The following ZFHX2 variants were observed in gnomAD, a reference collection of about 807,000 sequenced individuals.
The protein encoded by ZFHX2 is zinc finger homeobox 2, also known as zinc finger homeobox protein 2.
Under a neutral mutation model 164.8 loss-of-function variants are expected in ZFHX2, and 75 were observed. That is an observed-to-expected ratio of 0.46 (90% CI 0.38 to 0.55). The LOEUF (loss-of-function observed/expected upper bound fraction) is 0.55. Among genes scored for constraint, ZFHX2 ranks in the 20% least tolerant of loss-of-function variants. ZFHX2 has a pLI of 0.00. For missense variants in ZFHX2, 2,933 were observed against 3,308.0 expected, an observed-to-expected ratio of 0.89 and a Z score of 2.78; for synonymous variants, 1,217 against 1,351.4, an observed-to-expected ratio of 0.90 and a Z score of 2.18.
chr14:23,536,723 A>T (rs1384481088), intron 1 of ZFHX2, among the ~76,000 whole-genome samples: 3 of 152,228 alleles, frequency 2.0e-5, no homozygotes, highest in Non-Finnish European at 2.9e-5. Flanking sequence ...CAAGATAGTG[A>T]AACTAGAAAT....
At position 23,533,613 on chromosome 14, in the gene ZFHX2, G is replaced by A; in HGVS notation, c.1713C>T (p.Cys571=). Residue 571 remains cysteine (C), a synonymous_variant, in exon 2 of 10, where the codon TGC becomes TGT. Transcript: ENST00000419474. This position sits in a 1 kb window ranked among gnomAD's most constrained non-coding sequence, Gnocchi z 4.8. Reference sequence around the variant, plus strand: ...TGTTTGTCTCGTAGCTGCACACCTTGCACTGCCAGGATGATTTGGTCTTAG... The same window carrying A: ...TGTTTGTCTCGTAGCTGCACACCTTACACTGCCAGGATGATTTGGTCTTAG... The part of the protein sequence containing the change: ...KEPKTKSSWQ[C]KVCSYETNIS... 2.0e-6 allele frequency: 3 copies of A among 1,536,850 alleles called. No individual in the cohort carries two copies. The highest frequency in any genetic ancestry group is 2.0e-5 in the Admixed American group (1 of 51,006).
intron 1 of ZFHX2, among the ~76,000 whole-genome samples, chr14:23,539,821 G>A (rs556584945): frequency 6.6e-6 from 1 of 152,258 alleles, no homozygotes; most frequent in South Asian, 2.1e-4. Flanking sequence ...CCAAGGAGTT[G>A]GCAGGGCTAA....
rs1595127272 is a variant in ZFHX2, at chr14:23,521,583, C to T, written c.*379G>A. On this transcript the variant is annotated 3_prime_UTR_variant, in exon 10 of 10. Transcript: ENST00000419474. ...GTGTGTGTGTGCATGTATGTGTATG[C>T]ATTTATGGGGATGGGGAGCTGGGAA... 2 of 204,378 alleles carry T rather than the reference C, an allele frequency of 9.8e-6. No individual in the cohort carries two copies. Among genetic ancestry groups the T allele is most frequent in the South Asian group, 2.2e-4 (2 of 9,224 alleles). 12.7% of individuals were successfully genotyped at this position (204,378 alleles called of 1,614,324 possible).
At position 23,522,800 on chromosome 14, in the gene ZFHX2, G is replaced by T. The variant is rs1048144120; in HGVS notation, c.6881C>A (p.Thr2294Asn). ...DQTNTSTAGTTDPVPGPPTEP... is the reference protein window; with the variant it reads ...DQTNTSTAGTNDPVPGPPTEP... ...AGTAGGAGGGCCTGGGACAGGGTCA[G>T]TGGTGCCTGCTGTGGAGGTGTTGGT... Residue 2294 changes from threonine (T) to asparagine (N), a missense_variant, in exon 10 of 10, where the codon ACT (threonine) becomes AAT (asparagine). Transcript: ENST00000419474. 2 of 1,536,326 alleles carry T rather than the reference G, an allele frequency of 1.3e-6. No homozygotes were observed. Among genetic ancestry groups the T allele is most frequent in the Non-Finnish European group, 1.7e-6 (2 of 1,146,846 alleles).
chr14:23,545,376 G>A lies in ZFHX2; in HGVS notation c.-50+5967C>T, dbSNP rs548719863. ...CAGCTGTCTTCATTTCCCTGCGGAG[G>A]GGTCAGGCTTCCTGTTTGCTCTCCA... On this transcript the variant is annotated intron_variant, in intron 1 of 9. Transcript: ENST00000419474. Among the ~76,000 whole-genome samples, 5 of 152,268 alleles carry A rather than the reference G, an allele frequency of 3.3e-5. No homozygotes were observed. The South Asian group carries it at 1.0e-3, about 32-fold the overall frequency.
chr14:23,522,209 G>C lies in ZFHX2; in HGVS notation c.7472C>G (p.Pro2491Arg), dbSNP rs1346062163. The C allele has an allele frequency of 6.8e-7, 1 of 1,480,850 alleles. No homozygotes were observed. Among genetic ancestry groups the C allele is most frequent in the Admixed American group, 2.2e-5 (1 of 45,226 alleles). The allele number at this position is 1,480,850 out of a possible 1,614,324, so 91.7% of individuals were successfully genotyped here. ...TGCCAGGCAGTGGTAGGTGCAGATGGGCACCCGCAATGGGGGTGGCATGGA... is the reference window on the plus strand; with the variant it reads ...TGCCAGGCAGTGGTAGGTGCAGATGCGCACCCGCAATGGGGGTGGCATGGA... ...GGSMPPPLRV[P>R]ICTYHCLACE... Residue 2491 changes from proline (P) to arginine (R), a missense_variant, in exon 10 of 10, where the codon CCC becomes CGC. Pro to Arg is a moderately radical substitution (Grantham distance 103, BLOSUM62 -2). Transcript: ENST00000419474.
chr14:23,532,718 G>A lies in ZFHX2; in HGVS notation c.2408C>T (p.Ser803Phe), dbSNP rs950158430. Residue 803 changes from serine (S) to phenylalanine (F), a missense_variant, in exon 3 of 10, where the codon TCC (serine) becomes TTC (phenylalanine). Physicochemically the swap from Ser to Phe is radical, Grantham distance 155. Coordinates refer to ENST00000419474, the MANE Select transcript of ZFHX2 (RefSeq NM_033400.3). Reference protein sequence around the residue: ...REGGGAMGTPSPASLGDGAPY... With the variant: ...REGGGAMGTPFPASLGDGAPY... ...AGCCCCATCTCCCAGGGATGCTGGGGAAGGGGTGCCCATGGCTCCACCCCC... is the reference window on the plus strand; with the variant it reads ...AGCCCCATCTCCCAGGGATGCTGGGAAAGGGGTGCCCATGGCTCCACCCCC... 8 of 1,534,994 alleles carry A rather than the reference G, an allele frequency of 5.2e-6. No homozygotes were observed. The highest frequency in any genetic ancestry group is 7.0e-6 in the Non-Finnish European group (8 of 1,146,312).
chr14:23,523,854 G>T lies in ZFHX2; in HGVS notation c.6088C>A (p.Leu2030Met). The change falls in exon 9 of 10, where the codon CTG (leucine) becomes ATG (methionine). Residue 2030 changes from leucine (L) to methionine (M), a missense_variant. Leu to Met is a conservative substitution (Grantham distance 15). Coordinates refer to ENST00000419474, the MANE Select transcript of ZFHX2 (RefSeq NM_033400.3). The surrounding 1 kb of genome is among the most constrained non-coding windows in gnomAD (Gnocchi z 4.1). ...AGGCTGGAAGCAGATGAATCACTCAGATCTCCTGCAGAGAGACTGCAAGCC... is the reference window on the plus strand; with the variant it reads ...AGGCTGGAAGCAGATGAATCACTCATATCTCCTGCAGAGAGACTGCAAGCC... ...SEACSLSAGD[L>M]SDSSASSLAE... is the part of the protein sequence containing the mutation. 1 of 1,536,196 alleles carries T rather than the reference G, an allele frequency of 6.5e-7. No homozygotes were observed. The highest frequency in any genetic ancestry group is 8.7e-7 in the Non-Finnish European group (1 of 1,146,914).
At chr14:23,548,943 CTT>C (rs1305913685) in intron 1 of ZFHX2, among the ~76,000 whole-genome samples, 1 of 152,204 alleles carries the variant, frequency 6.6e-6, no homozygotes, top group African/African-American at 2.4e-5. Flanking sequence ...ATCCTCTCCT[CTT>C]TTCCTCCTAC....
Position 23,524,276 on chromosome 14 carries a change from C to G in ZFHX2, c.5666G>C (p.Cys1889Ser). 1 of 1,536,332 alleles carries G rather than the reference C, an allele frequency of 6.5e-7. No homozygotes were observed. The highest frequency in any genetic ancestry group is 8.7e-7 in the Non-Finnish European group (1 of 1,146,956). ...TTTGAGCCCCACCTCCTCGGAGATG[C>G]AGTCGAGCATCTTGCGTGTTGGGTT... ...DSNPTRKMLDCISEEVGLKKR... is the reference protein window; with the variant it reads ...DSNPTRKMLDSISEEVGLKKR... Residue 1889 changes from cysteine to serine, a missense_variant, in exon 9 of 10, where the codon TGC (cysteine) becomes TCC (serine). Transcript: ENST00000419474. The surrounding 1 kb of genome is among the most constrained non-coding windows in gnomAD (Gnocchi z 5.6).
chr14:23,527,547 C>T, intron 7 of ZFHX2, 57 bp downstream of exon 7: 3 of 1,530,526 alleles, frequency 2.0e-6, no homozygotes, highest in Non-Finnish European at 2.6e-6. Context: ...TCTTCCTCCC[C>T]TCCTGCACAG....
chr14:23,528,600 G>GAC, intron 6 of ZFHX2: 1 of 985,376 alleles, frequency 1.0e-6, no homozygotes, highest in Non-Finnish European at 1.2e-6. Flanking sequence ...CTCTGCCTCT[G>GAC]TGAACCATCA....
At chr14:23,532,467 T>TGTC (rs1368042120) in intron 3 of ZFHX2, 100 bp downstream of exon 3, 1 of 1,361,468 alleles carries the variant, frequency 7.3e-7, no homozygotes, top group African/African-American at 1.5e-5. Flanking sequence ...TTTCTCCATT[T>TGTC]GTCACCCAGG....
Position 23,533,742 on chromosome 14 carries a change from C to G in ZFHX2, c.1584G>C (p.Gln528His). The change falls in exon 2 of 10, where the codon CAG (glutamine) becomes CAC (histidine). Residue 528 changes from glutamine (Q) to histidine (H), a missense_variant. Physicochemically the swap from Gln to His is conservative, Grantham distance 24. Transcript: ENST00000419474. The surrounding 1 kb of genome is among the most constrained non-coding windows in gnomAD (Gnocchi z 4.8). ...TTKGNLSIHM[Q>H]SDKHLANLQG... is the part of the protein sequence containing the mutation. ...GTAGGTTGGCCAGGTGCTTGTCAGA[C>G]TGCATATGGATGCTGAGGTTGCCTT... The G allele has an allele frequency of 6.4e-7, 1 of 1,555,948 alleles. No individual in the cohort carries two copies. Among genetic ancestry groups the G allele is most frequent in the Non-Finnish European group, 8.6e-7 (1 of 1,157,450 alleles).
chr14:23,530,327 G>A, intron 4 of ZFHX2, 133 bp from the exon 5 acceptor site: 1 of 749,656 alleles, frequency 1.3e-6, no homozygotes, highest in Non-Finnish European at 2.3e-6. Flanking sequence ...AGGTAGGAGA[G>A]TATGAAAAGC....
In ZFHX2 at chr14:23,533,698, G is replaced by C; in HGVS notation, c.1628C>G (p.Pro543Arg). 1 of 1,540,550 alleles carries C rather than the reference G, an allele frequency of 6.5e-7. No homozygotes were observed. Among genetic ancestry groups the C allele is most frequent in the Non-Finnish European group, 8.7e-7 (1 of 1,149,140 alleles). ...LANLQGFQAG[P>R]GGQGSPPEAS... ...CTCTGGTGGACTTCCCTGCCCACCA[G>C]GGCCCGCCTGGAAGCCCTGTAGGTT... Residue 543 changes from proline to arginine, a missense_variant, in exon 2 of 10, where the codon CCT becomes CGT. Coordinates refer to ENST00000419474, the MANE Select transcript of ZFHX2 (RefSeq NM_033400.3). This position sits in a 1 kb window ranked among gnomAD's most constrained non-coding sequence, Gnocchi z 4.8.
chr14:23,534,488 C>G lies in ZFHX2; in HGVS notation c.838G>C (p.Glu280Gln). The change falls in exon 2 of 10, where the codon GAG (glutamate) becomes CAG (glutamine). Residue 280 changes from glutamate to glutamine, a missense_variant. Coordinates refer to ENST00000419474, the MANE Select transcript of ZFHX2 (RefSeq NM_033400.3). The surrounding 1 kb of genome is among the most constrained non-coding windows in gnomAD (Gnocchi z 4.5). ...GLSGSPAVLQ[E>Q]GDEGCKALIS... Reference sequence around the variant, plus strand: ...AGGGCCTTGCAGCCTTCATCTCCCTCCTGGAGTACAGCTGGGCTACCTGAC... The same window carrying G: ...AGGGCCTTGCAGCCTTCATCTCCCTGCTGGAGTACAGCTGGGCTACCTGAC... 1.3e-6 allele frequency: 2 copies of G among 1,536,260 alleles called. No individual in the cohort carries two copies. The highest frequency in any genetic ancestry group is 1.7e-6 in the Non-Finnish European group (2 of 1,146,944).
rs922296878 is a variant in ZFHX2 at position 23,546,819 on chromosome 14, A to C, written c.-50+4524T>G. ...CTTGCTGCAAAATATGAGCTGCCCA[A>C]CTCCGTGGCGGTGGCTGACAGTGCA... is the stretch of plus-strand genomic sequence containing the variant. On this transcript the variant is annotated intron_variant, in intron 1 of 9. Transcript: ENST00000419474. This position sits in a 1 kb window ranked among gnomAD's most constrained non-coding sequence, Gnocchi z 4.7. Among the ~76,000 whole-genome samples, 5 of 151,810 alleles carry C rather than the reference A, an allele frequency of 3.3e-5. No homozygotes were observed. Among genetic ancestry groups the C allele is most frequent in the Non-Finnish European group, 5.9e-5 (4 of 67,934 alleles).
Position 23,522,655 on chromosome 14 carries a change from C to T in ZFHX2, c.7026G>A (p.Gly2342=). The change falls in exon 10 of 10, where the codon GGG becomes GGA. Residue 2342 remains glycine (G), a synonymous_variant. Coordinates refer to ENST00000419474, the MANE Select transcript of ZFHX2 (RefSeq NM_033400.3). The part of the protein sequence containing the change: ...ALKTTVPALL[G]GQFLPFPLPP... ...GCAATGGAAAGGGCAGGAACTGGCC[C>T]CCCAACAGGGCTGGGACAGTGGTCT... 2 of 1,536,338 alleles carry T rather than the reference C, an allele frequency of 1.3e-6. No homozygotes were observed. The highest frequency in any genetic ancestry group is 1.7e-6 in the Non-Finnish European group (2 of 1,146,890).
Sources: gnomAD v4.1 joint callset for allele counts (sites outside exome capture counted in the v4.1 genomes callset) on GRCh38, gnomAD v4.1.1 for gene constraint, Gnocchi (gnomAD v3.1) non-coding constraint, MANE v1.5 for transcripts, NCBI Gene and HGNC (gene_info 2026-07-23, HGNC 2026-07-21) for gene names.